Variants in TRIP4 observed in about 807,000 individuals in gnomAD.
TRIP4 encodes activating signal cointegrator 1.
TRIP4 carries 54 observed loss-of-function variants against 81.8 expected under a neutral mutation model. That is an observed-to-expected ratio of 0.66 (90% CI 0.53 to 0.83). The LOEUF is 0.83. Among genes scored for constraint, TRIP4 ranks in the 40% least tolerant of loss-of-function variants. The pLI, the probability that TRIP4 is intolerant of heterozygous loss-of-function variation, is 0.00. For missense variants in TRIP4, 662 were observed against 683.6 expected, an observed-to-expected ratio of 0.97 and a Z score of 0.35; for synonymous variants, 270 against 242.8, an observed-to-expected ratio of 1.11 and a Z score of -1.04.
At chr15:64,433,307 G>A (rs1037906930) in intron 11 of TRIP4, among the ~76,000 whole-genome samples, 1 of 152,026 alleles carries the variant, frequency 6.6e-6, no homozygotes, top group African/African-American at 2.4e-5. Flanking sequence ...TTCCAAGCAG[G>A]GTGTCATTTC....
intron 11 of TRIP4, among the ~76,000 whole-genome samples, chr15:64,440,975 C>T (rs1892502843): frequency 6.6e-6 from 1 of 151,764 alleles, no homozygotes; most frequent in African/African-American, 2.4e-5. Context: ...CGTTAATGCA[C>T]AAGTTGGTAA....
intron 11 of TRIP4, among the ~76,000 whole-genome samples, chr15:64,427,938 A>G (rs1443440183): frequency 6.6e-6 from 1 of 151,578 alleles, no homozygotes; most frequent in African/African-American, 2.4e-5. Context: ...TTCAATGTCT[A>G]CTTTCTTCCT....
chr15:64,419,504 G>A (rs1051726671), intron 9 of TRIP4, among the ~76,000 whole-genome samples: 13 of 151,528 alleles, frequency 8.6e-5, no homozygotes, highest in African/African-American at 2.7e-4. Flanking sequence ...GACTACAGGC[G>A]CCCGCCACCA....
In TRIP4 at chr15:64,455,288, T is replaced by A; in HGVS notation, c.*224T>A. ...TTTGAACACATTATTTATAAAAACCTGTTTAAAAATTCTAAGTCTTTTGAC... is the reference window on the plus strand; with the variant it reads ...TTTGAACACATTATTTATAAAAACCAGTTTAAAAATTCTAAGTCTTTTGAC... On this transcript the variant is annotated 3_prime_UTR_variant, in exon 13 of 13. Coordinates refer to ENST00000261884, the MANE Select transcript of TRIP4 (RefSeq NM_016213.5). The A allele has an allele frequency of 2.5e-6, 1 of 402,590 alleles. No homozygotes were observed. Among genetic ancestry groups the A allele is most frequent in the Non-Finnish European group, 4.5e-6 (1 of 220,768 alleles). 24.9% of individuals were successfully genotyped at this position (402,590 alleles called of 1,614,324 possible).
intron 11 of TRIP4, among the ~76,000 whole-genome samples, chr15:64,437,942 A>G (rs1892439207): frequency 6.6e-6 from 1 of 152,244 alleles, no homozygotes; most frequent in South Asian, 2.1e-4. Flanking sequence ...TGAGTTGAAG[A>G]GAAAGGATCT....
rs1900210318 is a variant in TRIP4 at position 64,393,964 on chromosome 15, G to T, written c.120G>T (p.Glu40Asp). The change falls in exon 2 of 13, where the codon GAG becomes GAT. Residue 40 changes from glutamate to aspartate, a missense_variant. Physicochemically the swap from Glu to Asp is conservative, Grantham distance 45. Transcript: ENST00000261884. ...EEIIQYVLSI[E>D]SAEEIREYVT... ...TCCTGAGGTACGTTTTGTCAATTGA[G>T]AGTGCTGAAGAGATACGAGAATATG... 2 of 1,585,570 alleles carry T rather than the reference G, an allele frequency of 1.3e-6. No individual in the cohort carries two copies. Among genetic ancestry groups the T allele is most frequent in the African/African-American group, 2.7e-5 (2 of 73,630 alleles).
chr15:64,404,822 TC>T (rs1294380756), intron 5 of TRIP4, among the ~76,000 whole-genome samples: 2 of 151,094 alleles, frequency 1.3e-5, no homozygotes, highest in Admixed American at 6.6e-5. Context: ...AGTAGCTGGA[TC>T]TACAGGCTTG....
chr15:64,444,142 C>T lies in TRIP4; in HGVS notation c.1576-864C>T, dbSNP rs143838141. Among the ~76,000 whole-genome samples the T allele has an allele frequency of 7.7e-3, 1,166 of 152,256 alleles. 3 individuals carry two copies. Among genetic ancestry groups the T allele is most frequent in the Middle Eastern group, 0.017 (5 of 294 alleles). ...GGTGGAAAATACAGGTAATTTCATA[C>T]TTTTTACGGTAGTTACTAGGAGAAA... On this transcript the variant is annotated intron_variant, in intron 11 of 12. Transcript: ENST00000261884.
Position 64,427,954 on chromosome 15 carries a change from C to G in TRIP4, c.1575+2323C>G, listed in dbSNP as rs114068015. Among the ~76,000 whole-genome samples the G allele has an allele frequency of 6.2e-4, 95 of 152,014 alleles. No individual in the cohort carries two copies. In the East Asian group the frequency reaches 0.015, roughly 24 times the overall value. On this transcript the variant is annotated intron_variant, in intron 11 of 12. Transcript: ENST00000261884. ...TCAATGTCTACTTTCTTCCTCCCCC[C>G]TCTTTTTTTTTCCCCCAGTCTAGAA... is the stretch of plus-strand genomic sequence containing the variant.
At chr15:64,439,383 G>A (rs1469414343) in intron 11 of TRIP4, among the ~76,000 whole-genome samples, 1 of 151,748 alleles carries the variant, frequency 6.6e-6, no homozygotes, top group Non-Finnish European at 1.5e-5. Flanking sequence ...TTCAGACCCT[G>A]ATTTCATGTT....
intron 7 of TRIP4, 120 bp downstream of exon 7, chr15:64,409,948 A>C: frequency 1.1e-6 from 1 of 897,402 alleles, no homozygotes; most frequent in Non-Finnish European, 1.7e-6. Flanking sequence ...TTGGAACAGA[A>C]AACATGTTAA....
At chr15:64,392,087 C>T (rs1900149582) in intron 1 of TRIP4, among the ~76,000 whole-genome samples, 1 of 150,908 alleles carries the variant, frequency 6.6e-6, no homozygotes, top group Non-Finnish European at 1.5e-5. Context: ...CCAGCCTGGC[C>T]AACATAGTGA....
intron 1 of TRIP4, among the ~76,000 whole-genome samples, chr15:64,391,085 A>G (rs1255412874): frequency 6.6e-6 from 1 of 152,146 alleles, no homozygotes; most frequent in African/African-American, 2.4e-5. Flanking sequence ...TGTATGTACT[A>G]CAGTAATGTA....
chr15:64,409,369 A>G (rs1270400435), intron 6 of TRIP4, among the ~76,000 whole-genome samples: 1 of 152,160 alleles, frequency 6.6e-6, no homozygotes, highest in Non-Finnish European at 1.5e-5. Context: ...CCCAGCTTTC[A>G]GAAGGTAGAG....
chr15:64,417,823 T>C (rs1358195815), intron 8 of TRIP4, among the ~76,000 whole-genome samples: 1 of 152,188 alleles, frequency 6.6e-6, no homozygotes, highest in East Asian at 1.9e-4. Context: ...CCTAAGCACA[T>C]GCAGAATTGT....
chr15:64,421,922 A>T (rs1019647365), intron 9 of TRIP4, among the ~76,000 whole-genome samples: 1 of 151,898 alleles, frequency 6.6e-6, no homozygotes, highest in Non-Finnish European at 1.5e-5. Context: ...GTGCATGCCT[A>T]TAATTCTAGC....
At chr15:64,400,048 C>T (rs1891454619) in intron 4 of TRIP4, among the ~76,000 whole-genome samples, 1 of 150,726 alleles carries the variant, frequency 6.6e-6, no homozygotes, top group Non-Finnish European at 1.5e-5. Flanking sequence ...GTTGAGAATA[C>T]TAGATAAAAC....
At chr15:64,389,143 G>GT (rs1381678410) in intron 1 of TRIP4, among the ~76,000 whole-genome samples, 5 of 152,180 alleles carry the variant, frequency 3.3e-5, no homozygotes, top group Non-Finnish European at 7.4e-5. Context: ...GGTCCAAAGT[G>GT]TTCAGGCAGG....
At chr15:64,390,163 A>G (rs1253160533) in intron 1 of TRIP4, among the ~76,000 whole-genome samples, 1 of 149,548 alleles carries the variant, frequency 6.7e-6, no homozygotes, top group Non-Finnish European at 1.5e-5. Flanking sequence ...ACAGTATTAA[A>G]AAAAAAAGAT....
Sources: gnomAD v4.1 joint callset for allele counts (sites outside exome capture counted in the v4.1 genomes callset) on GRCh38, gnomAD v4.1.1 for gene constraint, MANE v1.5 for transcripts, NCBI Gene and HGNC (gene_info 2026-07-23, HGNC 2026-07-21) for gene names.